PTPRM: variants seen among roughly 807,000 people sequenced by gnomAD.
PTPRM encodes protein tyrosine phosphatase receptor type M.
PTPRM carries 47 observed loss-of-function variants against 186.7 expected under a neutral mutation model. The ratio of observed to expected loss-of-function variants is 0.25; its 90% CI spans 0.20 to 0.32. The LOEUF is 0.32. Among genes scored for constraint, PTPRM ranks in the 10% least tolerant of loss-of-function variants. PTPRM has a pLI of 1.00. For synonymous variants in PTPRM, 668 were observed against 674.9 expected (o/e 0.99, Z 0.16); for missense variants, 1,494 against 1,865.0 (o/e 0.80, Z 3.66).
chr18:7,805,893 T>A (rs1396155256), intron 2 of PTPRM, among the ~76,000 whole-genome samples: 2 of 152,256 alleles, frequency 1.3e-5, no homozygotes, highest in African/African-American at 4.8e-5. Flanking sequence ...ATATTTGTAA[T>A]GTTAAAAGTA....
At chr18:7,623,391 AT>A (rs1337765037) in intron 1 of PTPRM, among the ~76,000 whole-genome samples, 2 of 152,094 alleles carry the variant, frequency 1.3e-5, no homozygotes, top group South Asian at 4.1e-4. Flanking sequence ...AATTTGTTGT[AT>A]TTTTGCAGAT....
chr18:7,735,902 T>C (rs1371996484), intron 1 of PTPRM, among the ~76,000 whole-genome samples: 2 of 152,050 alleles, frequency 1.3e-5, no homozygotes. Context: ...TTTTAACCAA[T>C]TGCCAATCAG....
chr18:8,330,461 A>C (rs2095406053), intron 22 of PTPRM, among the ~76,000 whole-genome samples: 1 of 152,110 alleles, frequency 6.6e-6, no homozygotes, highest in Admixed American at 6.5e-5. Flanking sequence ...TTTTTTCTTA[A>C]ATAAAAGAGG....
rs34073660 is a variant in PTPRM at position 8,143,723 on chromosome 18, G to A, written c.2244G>A (p.Ala748=). 4,651 of 1,613,910 alleles carry A rather than the reference G, an allele frequency of 2.9e-3. 117 individuals are homozygous for A. The African/African-American group carries it at 0.055, about 19-fold the overall frequency. Residue 748 remains alanine (A), a synonymous_variant, in exon 14 of 33, where the codon GCG becomes GCA. Coordinates refer to ENST00000580170, the MANE Select transcript of PTPRM (RefSeq NM_001105244.2). ...CAGTTAAAATTGCTGGAGTCATCGC[G>A]GGCATCTTGCTGTTCGTGATTATAT... is the stretch of plus-strand genomic sequence containing the variant. The part of the protein sequence containing the change: ...DHTVKIAGVI[A]GILLFVIIFL...
At chr18:8,388,189 A>G (rs1216035830) in intron 31 of PTPRM, among the ~76,000 whole-genome samples, 1 of 152,248 alleles carries the variant, frequency 6.6e-6, no homozygotes, top group Non-Finnish European at 1.5e-5. Context: ...AGAACAGGCA[A>G]TTAGAAAGTC....
In PTPRM at chr18:8,122,526, G is replaced by C. The variant is rs1036543938; in HGVS notation, c.2167+7699G>C. Among the ~76,000 whole-genome samples the C allele has an allele frequency of 2.0e-5, 3 of 152,296 alleles. No homozygotes were observed. The South Asian group carries it at 6.2e-4, about 32-fold the overall frequency. ...TCCATGCATTAAGTACAACTCCACT[G>C]CATGTTTTCATTGTGTGTTTGGTCT... On this transcript the variant is annotated intron_variant, in intron 13 of 32. Coordinates refer to ENST00000580170, the MANE Select transcript of PTPRM (RefSeq NM_001105244.2).
At chr18:8,134,991 T>C (rs1209662566) in intron 13 of PTPRM, among the ~76,000 whole-genome samples, 1 of 152,154 alleles carries the variant, frequency 6.6e-6, no homozygotes, top group African/African-American at 2.4e-5. Flanking sequence ...GTTTCCTCAT[T>C]TGTAAACTGG....
intron 1 of PTPRM, among the ~76,000 whole-genome samples, chr18:7,674,020 G>A (rs1284515827): frequency 6.6e-6 from 1 of 152,192 alleles, no homozygotes; most frequent in Non-Finnish European, 1.5e-5. Flanking sequence ...GGGAGATGTG[G>A]ATGGACCTGA....
intron 13 of PTPRM, among the ~76,000 whole-genome samples, chr18:8,115,154 A>G (rs1367355713): frequency 6.6e-6 from 1 of 152,182 alleles, no homozygotes; most frequent in Non-Finnish European, 1.5e-5. Flanking sequence ...CCATAGTGTC[A>G]TGCCTGGTAG....
chr18:8,342,500 T>A (rs1568787340), intron 22 of PTPRM, among the ~76,000 whole-genome samples: 1 of 152,228 alleles, frequency 6.6e-6, no homozygotes, highest in Non-Finnish European at 1.5e-5. Flanking sequence ...AATGTCAAGA[T>A]ACCTAGTACA....
At chr18:7,601,549 C>T (rs2037403096) in intron 1 of PTPRM, among the ~76,000 whole-genome samples, 1 of 152,196 alleles carries the variant, frequency 6.6e-6, no homozygotes, top group Non-Finnish European at 1.5e-5. Flanking sequence ...TGGCTCATAG[C>T]TGCATCACTC....
intron 19 of PTPRM, among the ~76,000 whole-genome samples, chr18:8,277,537 A>G (rs2094850421): frequency 1.3e-5 from 2 of 152,272 alleles, no homozygotes; most frequent in Admixed American, 1.3e-4. Context: ...GTGTGATCAC[A>G]TAAAGGAGCA....
intron 2 of PTPRM, among the ~76,000 whole-genome samples, chr18:7,830,536 G>C (rs561790011): frequency 3.3e-5 from 5 of 152,212 alleles, no homozygotes; most frequent in South Asian, 2.1e-4. Context: ...TCATATATAT[G>C]GTCTGTCACA....
chr18:8,277,923 A>G (rs1002534799), intron 19 of PTPRM, among the ~76,000 whole-genome samples: 1 of 152,264 alleles, frequency 6.6e-6, no homozygotes. Flanking sequence ...GTAAGTACAC[A>G]TGAGTAGGGA....
chr18:7,622,506 C>G (rs145148026), intron 1 of PTPRM, among the ~76,000 whole-genome samples: 7 of 152,014 alleles, frequency 4.6e-5, no homozygotes, highest in Admixed American at 6.6e-5. Context: ...TAACAGGGCT[C>G]TTGTCTGTAT....
intron 7 of PTPRM, among the ~76,000 whole-genome samples, chr18:8,064,964 G>A (rs766803968): frequency 3.9e-5 from 6 of 152,144 alleles, no homozygotes; most frequent in Admixed American, 1.3e-4. Context: ...TCCTGAAGGG[G>A]CCCACCATGC....
chr18:7,652,466 C>T (rs901958919), intron 1 of PTPRM, among the ~76,000 whole-genome samples: 64 of 151,932 alleles, frequency 4.2e-4, no homozygotes, highest in African/African-American at 5.8e-4. Context: ...ATGTTTATTG[C>T]GGCACTATTC....
At chr18:7,648,405 T>G (rs148335417) in intron 1 of PTPRM, among the ~76,000 whole-genome samples, 184 of 152,274 alleles carry the variant, frequency 1.2e-3, no homozygotes, top group African/African-American at 4.2e-3. Context: ...CATCTCTCAC[T>G]TTAAATCAAA....
At chr18:8,213,524 A>G (rs565605270) in intron 14 of PTPRM, among the ~76,000 whole-genome samples, 2 of 152,298 alleles carry the variant, frequency 1.3e-5, no homozygotes, top group Admixed American at 6.5e-5. Context: ...CAAAGCTACT[A>G]GAATTCTCCC....
Sources: allele counts gnomAD v4.1 joint callset (sites outside exome capture counted in the v4.1 genomes callset), GRCh38; gene constraint gnomAD v4.1.1; transcripts MANE v1.5; gene names NCBI Gene and HGNC (gene_info 2026-07-23, HGNC 2026-07-21).